TMIGD3: variants seen among roughly 807,000 people sequenced by gnomAD.
The protein encoded by TMIGD3 is AD026 protein (AD026).
A neutral mutation model predicts 28.1 loss-of-function variants in TMIGD3; 21 were observed. That is an observed-to-expected ratio of 0.75 (90% CI 0.53 to 1.08). The LOEUF is 1.08. Among genes scored for constraint, TMIGD3 ranks in the 50% least tolerant of loss-of-function variants. The pLI is 0.00. For missense variants in TMIGD3, 416 were observed against 435.6 expected (o/e 0.96, Z 0.40); for synonymous variants, 151 against 162.1 (o/e 0.93, Z 0.52).
At chr1:111,504,450 C>T (rs376155929), upstream of TMIGD3, among the ~76,000 whole-genome samples, 6 of 152,226 alleles carry the variant, frequency 3.9e-5, no homozygotes, top group African/African-American at 1.4e-4. Context: ...CTCCCTGAAG[C>T]TGCTTACCTA....
chr1:111,500,711 T>TTCTCCAATCTTCTGCTAAGAGA, intron 1 of TMIGD3: 1 of 712,974 alleles, frequency 1.4e-6, no homozygotes, highest in Non-Finnish European at 2.3e-6. Flanking sequence ...TGATATCCTA[T>TTCTCCAATCTTCTGCTAAGAGA]GGTGATTCCA....
chr1:111,559,992 T>G (rs988636768), intron 1 of TMIGD3, among the ~76,000 whole-genome samples: 2 of 152,200 alleles, frequency 1.3e-5, no homozygotes, highest in Non-Finnish European at 2.9e-5. Context: ...CAAAGGTTCT[T>G]GACACATCAA....
chr1:111,509,669 G>A (rs1655626805), intron 1 of TMIGD3, among the ~76,000 whole-genome samples: 2 of 152,214 alleles, frequency 1.3e-5, no homozygotes, highest in South Asian at 4.1e-4. Context: ...GCCACAGTGG[G>A]AGATAAGCAA....
upstream of TMIGD3, among the ~76,000 whole-genome samples, chr1:111,505,322 ACCACATGAAAGAATAAC>A (rs1655449650): frequency 6.6e-6 from 1 of 152,138 alleles, no homozygotes. Context: ...TAGGCAAGAT[ACCACATGAAAGAATAAC>A]CCACTAGAGA....
In TMIGD3 at chr1:111,488,711, T is replaced by C; in HGVS notation, c.771A>G (p.Lys257=). The change falls in exon 3 of 6, where the codon AAA becomes AAG. Residue 257 remains lysine (K), a synonymous_variant. Transcript: ENST00000369716. The part of the protein sequence containing the change: ...DFTELIVTDD[K]GTLANDFWSG... ...ACCAAAAGTCATTGGCCAGGGTTCCTTTGTCGTCAGTTACAATCAGCTCTG... is the reference window on the plus strand; with the variant it reads ...ACCAAAAGTCATTGGCCAGGGTTCCCTTGTCGTCAGTTACAATCAGCTCTG... 1 of 1,614,108 alleles carries C rather than the reference T, an allele frequency of 6.2e-7. No individual in the cohort carries two copies. The highest frequency in any genetic ancestry group is 8.5e-7 in the Non-Finnish European group (1 of 1,179,964).
chr1:111,511,272 G>A (rs1169368449), intron 1 of TMIGD3, among the ~76,000 whole-genome samples: 1 of 152,050 alleles, frequency 6.6e-6, no homozygotes, highest in Non-Finnish European at 1.5e-5. Context: ...TCATTTTTAT[G>A]TCTTCCTCCC....
chr1:111,502,715 C>G (rs1290244792), intron 1 of TMIGD3, among the ~76,000 whole-genome samples: 1 of 151,300 alleles, frequency 6.6e-6, no homozygotes, highest in Non-Finnish European at 1.5e-5. Context: ...AAAGATGCAT[C>G]AAGATTTCAT....
intron 1 of TMIGD3, among the ~76,000 whole-genome samples, chr1:111,529,412 G>A (rs922146384): frequency 6.0e-5 from 9 of 149,098 alleles, no homozygotes; most frequent in East Asian, 2.0e-4. Context: ...GGTGTTTCTC[G>A]CAGAGGGGGA....
chr1:111,514,348 C>T (rs1440216864), intron 1 of TMIGD3, among the ~76,000 whole-genome samples: 2 of 151,972 alleles, frequency 1.3e-5, no homozygotes, highest in Non-Finnish European at 2.9e-5. Context: ...AGTTCAAGAC[C>T]AGCATAAGCA....
At chr1:111,486,780 G>C in intron 3 of TMIGD3, 128 bp from the exon 4 acceptor site, 1 of 792,746 alleles carries the variant, frequency 1.3e-6, no homozygotes, top group Non-Finnish European at 2.2e-6. Flanking sequence ...CCAGAGTAAA[G>C]CAGAGGTACC....
intron 1 of TMIGD3, among the ~76,000 whole-genome samples, chr1:111,554,985 C>A (rs1657421369): frequency 6.6e-6 from 1 of 151,398 alleles, no homozygotes; most frequent in African/African-American, 2.4e-5. Context: ...TTATTAATGG[C>A]TACAGAATAT....
chr1:111,494,560 T>C (rs1654806838), intron 1 of TMIGD3, among the ~76,000 whole-genome samples: 1 of 152,152 alleles, frequency 6.6e-6, no homozygotes, highest in South Asian at 2.1e-4. Context: ...CATTCCATGC[T>C]CATAGATAGG....
At chr1:111,552,332 T>C (rs765496635) in intron 1 of TMIGD3, among the ~76,000 whole-genome samples, 1 of 152,186 alleles carries the variant, frequency 6.6e-6, no homozygotes, top group Non-Finnish European at 1.5e-5. Flanking sequence ...GAGCTAGAGA[T>C]GGAACGAAGG....
chr1:111,519,341 G>T (rs962965541), intron 1 of TMIGD3, among the ~76,000 whole-genome samples: 1 of 152,182 alleles, frequency 6.6e-6, no homozygotes, highest in African/African-American at 2.4e-5. Context: ...GAACCACTGA[G>T]AAGATCATGG....
chr1:111,503,859 T>C, upstream of TMIGD3: 1 of 995,428 alleles, frequency 1.0e-6, no homozygotes, highest in Non-Finnish European at 1.2e-6. Flanking sequence ...CGAGACAAGA[T>C]TGGGTATCAG....
intron 1 of TMIGD3, among the ~76,000 whole-genome samples, chr1:111,552,717 T>C (rs1404752652): frequency 6.6e-6 from 1 of 152,214 alleles, no homozygotes; most frequent in Non-Finnish European, 1.5e-5. Flanking sequence ...CATATGTTGG[T>C]GTTTGAATAC....
At chr1:111,487,415 G>A (rs187354232) in intron 3 of TMIGD3, among the ~76,000 whole-genome samples, 1 of 152,144 alleles carries the variant, frequency 6.6e-6, no homozygotes, top group Non-Finnish European at 1.5e-5. Context: ...AAGCCCTTCT[G>A]GTTTGTTTTC....
chr1:111,497,133 C>G (rs193145365), intron 1 of TMIGD3, among the ~76,000 whole-genome samples: 1 of 152,084 alleles, frequency 6.6e-6, no homozygotes, highest in Non-Finnish European at 1.5e-5. Flanking sequence ...GTTTTTGAGA[C>G]GGAGTGTCGT....
intron 1 of TMIGD3, among the ~76,000 whole-genome samples, chr1:111,534,538 C>T (rs966857655): frequency 6.6e-6 from 1 of 152,156 alleles, no homozygotes; most frequent in Admixed American, 6.5e-5. Context: ...TTTAATTGAT[C>T]AATTTTTATA....
Sources: gnomAD v4.1 joint callset for allele counts (sites outside exome capture counted in the v4.1 genomes callset) on GRCh38, gnomAD v4.1.1 for gene constraint, MANE v1.5 for transcripts, NCBI Gene and HGNC (gene_info 2026-07-23, HGNC 2026-07-21) for gene names.